LRP1B: variants seen among roughly 807,000 people sequenced by gnomAD.
LRP1B encodes the protein low-density lipoprotein receptor-related protein 1B.
LRP1B carries 217 observed loss-of-function variants against 556.6 expected under a neutral mutation model. The ratio of observed to expected loss-of-function variants is 0.39; its 90% CI spans 0.35 to 0.44. The LOEUF is 0.44. Among genes scored for constraint, LRP1B ranks in the 20% least tolerant of loss-of-function variants. The probability of loss-of-function intolerance (pLI) is 1.00; values close to 1 mark genes in which losing one functional copy is unlikely to be tolerated. For synonymous variants in LRP1B, 2,047 were observed against 1,865.8 expected, an observed-to-expected ratio of 1.10 and a Z score of -2.50; for missense variants, 5,053 against 5,620.8, an observed-to-expected ratio of 0.90 and a Z score of 3.23.
At chr2:141,390,302 C>T (rs995740065) in intron 3 of LRP1B, among the ~76,000 whole-genome samples, 2 of 151,996 alleles carry the variant, frequency 1.3e-5, no homozygotes, top group African/African-American at 4.8e-5. Context: ...AAAAAAAAAG[C>T]GTTGATGAGA....
At chr2:140,243,931 T>G (rs1681054167) in intron 87 of LRP1B, among the ~76,000 whole-genome samples, 1 of 151,396 alleles carries the variant, frequency 6.6e-6, no homozygotes, top group South Asian at 2.1e-4. Context: ...CTTTGCCCTT[T>G]TTATCTTTTT....
chr2:141,288,042 C>A (rs1273215437), intron 3 of LRP1B, among the ~76,000 whole-genome samples: 2 of 152,016 alleles, frequency 1.3e-5, no homozygotes, highest in Admixed American at 1.3e-4. Context: ...ATCCCAACTC[C>A]TTCTCCCACT....
intron 3 of LRP1B, among the ~76,000 whole-genome samples, chr2:141,396,489 TATAG>T (rs1450660823): frequency 2.6e-5 from 4 of 152,194 alleles, no homozygotes; most frequent in African/African-American, 9.7e-5. Flanking sequence ...TTTTAGTGGC[TATAG>T]ATAAAGCCAA....
At position 141,919,012 on chromosome 2, in the gene LRP1B, C is replaced by A. The variant is rs914104310; in HGVS notation, c.83-108611G>T. On this transcript the variant is annotated intron_variant, in intron 1 of 90. Coordinates refer to ENST00000389484, the MANE Select transcript of LRP1B (RefSeq NM_018557.3). ...CATATGAAAATTGATTCTAATGGTA[C>A]CTTAAATTTTTTTTCTTTTCTTACA... 2.0e-5 allele frequency among the ~76,000 whole-genome samples: 3 copies of A among 152,122 alleles called. No individual in the cohort carries two copies. The East Asian group carries it at 5.8e-4, about 29-fold the overall frequency.
At chr2:140,925,188 T>C (rs572384846) in intron 20 of LRP1B, among the ~76,000 whole-genome samples, 64 of 152,262 alleles carry the variant, frequency 4.2e-4, no homozygotes, top group East Asian at 3.3e-3. Flanking sequence ...ATCTTCAGGG[T>C]CCTGAAACCA....
chr2:140,534,193 A>G, intron 46 of LRP1B, 53 bp from the exon 47 acceptor site: 2 of 1,507,804 alleles, frequency 1.3e-6, no homozygotes, highest in Non-Finnish European at 9.1e-7. Context: ...AAATATTTGT[A>G]CAAAATGAAA....
chr2:141,262,914 G>A (rs1684752219), intron 3 of LRP1B, among the ~76,000 whole-genome samples: 1 of 151,612 alleles, frequency 6.6e-6, no homozygotes, highest in Non-Finnish European at 1.5e-5. Flanking sequence ...TTTAGAAATA[G>A]CTTTTCAGTT....
chr2:141,931,402 C>A (rs973275646), intron 1 of LRP1B, among the ~76,000 whole-genome samples: 18 of 152,012 alleles, frequency 1.2e-4, no homozygotes, highest in Non-Finnish European at 2.2e-4. Context: ...GCACTGAAAC[C>A]AGTCCAACTG....
chr2:140,643,366 T>C (rs1044688236), intron 41 of LRP1B, among the ~76,000 whole-genome samples: 1 of 152,152 alleles, frequency 6.6e-6, no homozygotes, highest in Non-Finnish European at 1.5e-5. Flanking sequence ...AAAAGATGTA[T>C]TGATCACTGC....
chr2:141,612,689 C>CTGTG (rs1688147989), intron 2 of LRP1B, among the ~76,000 whole-genome samples: 1 of 152,108 alleles, frequency 6.6e-6, no homozygotes, highest in African/African-American at 2.4e-5. Context: ...ACATTAATGC[C>CTGTG]ATAGGCAACC....
chr2:140,239,445 C>T lies in LRP1B; in HGVS notation c.13412G>A (p.Arg4471Lys), dbSNP rs777607055. The change falls in exon 88 of 91, where the codon AGA becomes AAA. Residue 4471 changes from arginine to lysine, a missense_variant. Physicochemically the swap from Arg to Lys is conservative, Grantham distance 26. This residue lies in a region of LRP1B where 551 missense variants were observed against 592.0 expected (regional missense o/e 0.93). Coordinates refer to ENST00000389484, the MANE Select transcript of LRP1B (RefSeq NM_018557.3). ...AATCTAGAACATTGCATCTTACCTT[C>T]TTTTTCTTTTACAAAGCACTAAACC... ...VIGLVLCKRK[R>K]RTKTIRRQPI... 66 of 1,583,186 alleles carry T rather than the reference C, an allele frequency of 4.2e-5. No individual in the cohort carries two copies. Among genetic ancestry groups the T allele is most frequent in the Non-Finnish European group, 5.7e-5 (66 of 1,159,120 alleles).
intron 1 of LRP1B, among the ~76,000 whole-genome samples, chr2:141,816,367 G>A (rs1424983906): frequency 6.6e-6 from 1 of 152,176 alleles, no homozygotes; most frequent in Non-Finnish European, 1.5e-5. Context: ...AAAGCAGGCA[G>A]AAGAAGGTGG....
chr2:140,474,116 TC>T (rs1291570077), intron 60 of LRP1B, among the ~76,000 whole-genome samples: 1 of 151,964 alleles, frequency 6.6e-6, no homozygotes, highest in Non-Finnish European at 1.5e-5. Context: ...TCTAAAAACT[TC>T]CTGTCAACAT....
intron 6 of LRP1B, among the ~76,000 whole-genome samples, chr2:141,222,489 A>C (rs566933248): frequency 3.2e-4 from 48 of 152,346 alleles, no homozygotes; most frequent in South Asian, 6.2e-4. Flanking sequence ...AAACTATTCC[A>C]AGCAACTGAA....
intron 32 of LRP1B, among the ~76,000 whole-genome samples, chr2:140,798,630 C>G (rs553174083): frequency 1.3e-5 from 2 of 152,238 alleles, no homozygotes; most frequent in East Asian, 3.9e-4. Context: ...CCAAATAGTT[C>G]CTTGTTATGG....
At chr2:140,893,738 T>C (rs577906573) in intron 23 of LRP1B, among the ~76,000 whole-genome samples, 1 of 152,258 alleles carries the variant, frequency 6.6e-6, no homozygotes, top group East Asian at 1.9e-4. Flanking sequence ...GATTCAAATT[T>C]CCAGGGAGAA....
chr2:140,289,622 G>C (rs1683294645), intron 84 of LRP1B, among the ~76,000 whole-genome samples: 1 of 150,122 alleles, frequency 6.7e-6, no homozygotes, highest in Non-Finnish European at 1.5e-5. Flanking sequence ...TTTAATGAAG[G>C]CATAACATTA....
intron 1 of LRP1B, among the ~76,000 whole-genome samples, chr2:142,018,102 G>A (rs1328670819): frequency 6.6e-6 from 1 of 152,096 alleles, no homozygotes; most frequent in Non-Finnish European, 1.5e-5. Flanking sequence ...GTGTTGATGT[G>A]AAATAGTTAA....
rs16843971 is a variant in LRP1B, at chr2:140,454,718, A to G, written c.9963+1737T>C. On this transcript the variant is annotated intron_variant, in intron 62 of 90. Transcript: ENST00000389484. ...GGTGAGTTAGGTTTTCATTTATTTG[A>G]CTAATCTAATTTGTTGGCATTGGAT... Among the ~76,000 whole-genome samples, 757 of 152,204 alleles carry G rather than the reference A, an allele frequency of 5.0e-3. 9 individuals carry two copies. Among genetic ancestry groups the G allele is most frequent in the African/African-American group, 0.016 (651 of 41,524 alleles).
Sources: gnomAD v4.1 joint callset for allele counts (sites outside exome capture counted in the v4.1 genomes callset) on GRCh38, gnomAD v4.1.1 for gene constraint, gnomAD v4.1.1 regional missense constraint, MANE v1.5 for transcripts, NCBI Gene and HGNC (gene_info 2026-07-23, HGNC 2026-07-21) for gene names.